The following TENM3 variants were observed in gnomAD, a reference collection of about 807,000 sequenced individuals.
TENM3 encodes the protein teneurin-3.
TENM3 carries 63 observed loss-of-function variants against 255.1 expected under a neutral mutation model. The observed-to-expected ratio is 0.25, with a 90% CI of 0.20 to 0.30. The LOEUF (loss-of-function observed/expected upper bound fraction) is 0.30, where lower values mean the gene tolerates loss of function less well. TENM3 is among the 10% of genes least tolerant of loss of function. TENM3 has a pLI of 1.00. For missense variants in TENM3, 2,929 were observed against 3,461.1 expected, an observed-to-expected ratio of 0.85 and a Z score of 3.86; for synonymous variants, 1,306 against 1,322.3, an observed-to-expected ratio of 0.99 and a Z score of 0.27.
At chr4:181,597,163 A>G in the TENM3 span, among the ~76,000 whole-genome samples, 2 of 152,244 alleles carry the variant, frequency 1.3e-5, no homozygotes, top group Non-Finnish European at 2.9e-5. Context: ...CATGCCTAAC[A>G]TTAAATCCTC....
At chr4:182,121,371 T>C in the TENM3 span, among the ~76,000 whole-genome samples, 1 of 152,188 alleles carries the variant, frequency 6.6e-6, no homozygotes, top group Non-Finnish European at 1.5e-5. Context: ...CAGGTGTAGA[T>C]ATAATGAGAG....
At chr4:182,608,748 TCG>T (rs1366305724) in intron 4 of TENM3, among the ~76,000 whole-genome samples, 1 of 152,086 alleles carries the variant, frequency 6.6e-6, no homozygotes, top group Non-Finnish European at 1.5e-5. Flanking sequence ...GGACAGGCCA[TCG>T]GACTGCCTCC....
chr4:182,591,893 A>T (rs535371032), intron 3 of TENM3, among the ~76,000 whole-genome samples: 37 of 152,264 alleles, frequency 2.4e-4, no homozygotes, highest in Non-Finnish European at 4.6e-4. Context: ...TTGTTTTCCG[A>T]TGAGCTTCAC....
the TENM3 span, among the ~76,000 whole-genome samples, chr4:182,015,728 T>A: frequency 2.0e-5 from 3 of 149,346 alleles, no homozygotes; most frequent in Non-Finnish European, 3.0e-5. Flanking sequence ...ACCCAGCTAG[T>A]TTTTGTATTT....
the TENM3 span, among the ~76,000 whole-genome samples, chr4:181,970,886 T>A: frequency 6.6e-6 from 1 of 152,236 alleles, no homozygotes; most frequent in African/African-American, 2.4e-5. Context: ...ATAAGTGCCA[T>A]GCAACTAGGA....
At chr4:182,271,718 A>C (rs1245202659) in intron 1 of TENM3, among the ~76,000 whole-genome samples, 1 of 152,236 alleles carries the variant, frequency 6.6e-6, no homozygotes, top group Non-Finnish European at 1.5e-5. Context: ...AACGGTAATT[A>C]ATTCTCACAG....
the TENM3 span, among the ~76,000 whole-genome samples, chr4:181,535,483 A>C: frequency 6.6e-6 from 1 of 152,140 alleles, no homozygotes; most frequent in African/African-American, 2.4e-5. Context: ...TGGCCCCTAC[A>C]GTCTCTCCTT....
chr4:182,051,321 C>A, the TENM3 span, among the ~76,000 whole-genome samples: 1 of 147,552 alleles, frequency 6.8e-6, no homozygotes, highest in Non-Finnish European at 1.5e-5. Context: ...CCAGCCTGGG[C>A]GACAAGAGCA....
the TENM3 span, among the ~76,000 whole-genome samples, chr4:181,619,223 C>G: frequency 2.0e-5 from 3 of 152,046 alleles, no homozygotes; most frequent in Non-Finnish European, 4.4e-5. Flanking sequence ...CCACAAAGTG[C>G]CCCTCAACTT....
At chr4:182,564,159 G>A (rs576474088) in intron 3 of TENM3, among the ~76,000 whole-genome samples, 1 of 152,242 alleles carries the variant, frequency 6.6e-6, no homozygotes, top group Non-Finnish European at 1.5e-5. Flanking sequence ...TGAACCATTG[G>A]ATAGGGATTC....
At chr4:181,642,812 T>G in the TENM3 span, among the ~76,000 whole-genome samples, 2 of 152,194 alleles carry the variant, frequency 1.3e-5, no homozygotes, top group African/African-American at 2.4e-5. Flanking sequence ...ATCAGATGGT[T>G]GTAGATGTGC....
chr4:181,470,127 A>AAAAAAAACAAAAAACG, the TENM3 span, among the ~76,000 whole-genome samples: 254 of 138,970 alleles, frequency 1.8e-3, no homozygotes, highest in African/African-American at 6.6e-3. Flanking sequence ...AAAAAAAAAC[A>AAAAAAAACAAAAAACG]TTATTCAAAA....
At chr4:181,552,693 G>A in the TENM3 span, among the ~76,000 whole-genome samples, 43,605 of 152,060 alleles carry the variant, frequency 0.29, 6,529 homozygotes, top group Middle Eastern at 0.39. Flanking sequence ...GTTCTTCTGG[G>A]TGGTTGAGAA....
intron 1 of TENM3, among the ~76,000 whole-genome samples, chr4:182,253,606 TA>T (rs1256541003): frequency 1.3e-5 from 2 of 152,162 alleles, no homozygotes; most frequent in African/African-American, 2.4e-5. Flanking sequence ...TTTTCTTTGA[TA>T]AAAAAAATTT....
At chr4:181,629,631 A>G in the TENM3 span, among the ~76,000 whole-genome samples, 1 of 152,072 alleles carries the variant, frequency 6.6e-6, no homozygotes, top group Non-Finnish European at 1.5e-5. Context: ...TATATGCTGG[A>G]TTACGTTTAT....
At chr4:181,780,098 C>A in the TENM3 span, among the ~76,000 whole-genome samples, 2 of 152,154 alleles carry the variant, frequency 1.3e-5, no homozygotes, top group African/African-American at 4.8e-5. Flanking sequence ...AATGAACATA[C>A]ATTTGCATGT....
the TENM3 span, among the ~76,000 whole-genome samples, chr4:181,886,635 A>C: frequency 6.6e-6 from 1 of 152,190 alleles, no homozygotes; most frequent in South Asian, 2.1e-4. Context: ...CATGCACTTA[A>C]TATTCAGCTG....
chr4:182,535,697 G>A (rs755177561), intron 3 of TENM3, among the ~76,000 whole-genome samples: 5 of 150,948 alleles, frequency 3.3e-5, no homozygotes, highest in Non-Finnish European at 5.9e-5. Context: ...CTATGATCGC[G>A]CCACTGCACT....
the TENM3 span, among the ~76,000 whole-genome samples, chr4:181,551,880 G>A: frequency 0.013 from 609 of 45,296 alleles, 20 homozygotes; most frequent in South Asian, 0.15. Flanking sequence ...GTGTGTGTGT[G>A]TGTGTGTGTA....
Sources: allele counts gnomAD v4.1 joint callset (sites outside exome capture counted in the v4.1 genomes callset), GRCh38; gene constraint gnomAD v4.1.1; transcripts MANE v1.5; gene names NCBI Gene and HGNC (gene_info 2026-07-23, HGNC 2026-07-21).